The following MCM9 variants were observed in gnomAD, a reference collection of about 807,000 sequenced individuals.
MCM9 encodes DNA helicase MCM9.
MCM9 carries 55 observed loss-of-function variants against 72.8 expected under a neutral mutation model. That is an observed-to-expected ratio of 0.76 (90% CI 0.61 to 0.95). The LOEUF is 0.95. Ranked by LOEUF, MCM9 falls within the 40% of genes least tolerant of loss-of-function variation. The pLI, the probability that MCM9 is intolerant of heterozygous loss-of-function variation, is 0.00. For synonymous variants in MCM9, 480 were observed against 503.4 expected (o/e 0.95, Z 0.62); for missense variants, 1,279 against 1,377.0 (o/e 0.93, Z 1.13).
At chr6:118,900,759 A>T in intron 8 of MCM9, 2 of 1,590,062 alleles carry the variant, frequency 1.3e-6, no homozygotes, top group Non-Finnish European at 1.7e-6. Flanking sequence ...TGGTTTTTTA[A>T]CCCTAGACTT....
At chr6:118,824,339 GTCTT>G (rs978939521) in intron 13 of MCM9, among the ~76,000 whole-genome samples, 1 of 137,730 alleles carries the variant, frequency 7.3e-6, no homozygotes, top group Non-Finnish European at 1.5e-5. Context: ...TATTATTTTA[GTCTT>G]TCTTTTTTTT....
intron 9 of MCM9, among the ~76,000 whole-genome samples, chr6:118,846,376 G>A (rs996806284): frequency 1.3e-5 from 2 of 151,852 alleles, no homozygotes; most frequent in African/African-American, 4.9e-5. Context: ...AAAGATCAGT[G>A]GAGACTAAGT....
intron 8 of MCM9, among the ~76,000 whole-genome samples, chr6:118,880,813 T>C (rs1411399389): frequency 3.3e-5 from 5 of 152,224 alleles, no homozygotes; most frequent in African/African-American, 4.8e-5. Flanking sequence ...AGAGGATTCC[T>C]GTGTTCAACA....
At chr6:118,895,699 T>C (rs1303243943) in intron 8 of MCM9, among the ~76,000 whole-genome samples, 2 of 152,238 alleles carry the variant, frequency 1.3e-5, no homozygotes, top group East Asian at 3.8e-4. Flanking sequence ...AATTATCTTT[T>C]ACTAAAGTAA....
Position 118,816,250 on chromosome 6 carries a change from TCCA to T in MCM9, c.2003_2005del (p.Leu668_Glu669delinsTer). ...CAAGGATCCTGGAGTAGTCTCTACC[TCCA>T]ATACCCGTGGTTGGGATTGGTGCAC... On this transcript the variant is annotated stop_gained and inframe_deletion, in exon 14 of 14. Transcript: ENST00000619706. LOFTEE classifies it low-confidence loss of function (END_TRUNC). 6.5e-7 allele frequency: 1 copy of T among 1,549,538 alleles called. No homozygotes were observed.
chr6:118,852,653 C>T (rs1395141478), intron 9 of MCM9, among the ~76,000 whole-genome samples: 1 of 152,186 alleles, frequency 6.6e-6, no homozygotes, highest in Non-Finnish European at 1.5e-5. Flanking sequence ...TGTTTGGAAA[C>T]TTCAATAGCA....
intron 9 of MCM9, among the ~76,000 whole-genome samples, chr6:118,844,740 G>A (rs868649671): frequency 6.6e-6 from 1 of 151,732 alleles, no homozygotes; most frequent in Non-Finnish European, 1.5e-5. Context: ...GAAACCCGCT[G>A]AACTCAAGAC....
At chr6:118,877,318 T>C (rs1207961821) in intron 8 of MCM9, among the ~76,000 whole-genome samples, 1 of 152,186 alleles carries the variant, frequency 6.6e-6, no homozygotes, top group Non-Finnish European at 1.5e-5. Flanking sequence ...AAGTGGTCTC[T>C]TACTCAGTAC....
intron 8 of MCM9, among the ~76,000 whole-genome samples, chr6:118,864,192 T>A (rs1777077090): frequency 6.6e-6 from 1 of 152,062 alleles, no homozygotes; most frequent in Non-Finnish European, 1.5e-5. Flanking sequence ...CAATAAGCAG[T>A]CTTTTGTCCC....
intron 8 of MCM9, among the ~76,000 whole-genome samples, chr6:118,904,323 C>T (rs1487533668): frequency 6.6e-6 from 1 of 152,166 alleles, no homozygotes; most frequent in African/African-American, 2.4e-5. Flanking sequence ...CTTTTTGTAT[C>T]ATCTACCTGT....
At position 118,840,742 on chromosome 6, in the gene MCM9, C is replaced by T. The variant is rs868849098; in HGVS notation, c.1326-11492G>A. ...ACATATATTCTCTCCTCCCCCCCCCCTTTTTTTTTTTTTGAGACAGGGTCT... is the reference window on the plus strand; with the variant it reads ...ACATATATTCTCTCCTCCCCCCCCCTTTTTTTTTTTTTTGAGACAGGGTCT... On this transcript the variant is annotated intron_variant, in intron 9 of 13. Coordinates refer to ENST00000619706, the MANE Select transcript of MCM9 (RefSeq NM_017696.3). Among the ~76,000 whole-genome samples the T allele has an allele frequency of 7.6e-4, 59 of 77,760 alleles. 1 individual carries two copies. The highest frequency in any genetic ancestry group is 0.012 in the Middle Eastern group (2 of 168). The allele number at this position is 77,760 out of a possible 152,430, so 51.0% of individuals were successfully genotyped here.
intron 9 of MCM9, among the ~76,000 whole-genome samples, chr6:118,841,111 T>C (rs1775335576): frequency 6.6e-6 from 1 of 152,192 alleles, no homozygotes; most frequent in Admixed American, 6.5e-5. Flanking sequence ...TACACTGGTA[T>C]AATGAACAGT....
intron 3 of MCM9, among the ~76,000 whole-genome samples, chr6:118,928,172 A>G (rs975670178): frequency 6.6e-6 from 1 of 152,122 alleles, no homozygotes; most frequent in African/African-American, 2.4e-5. Context: ...AGAACTGGGG[A>G]GGCTGAGGTG....
intron 8 of MCM9, chr6:118,905,777 T>C (rs753588407): frequency 1.9e-6 from 3 of 1,612,580 alleles, no homozygotes; most frequent in Non-Finnish European, 2.5e-6. Context: ...ATAATGAATA[T>C]ACTGAGACAG....
chr6:118,914,747 T>C (rs1380205594), intron 6 of MCM9, among the ~76,000 whole-genome samples: 1 of 152,184 alleles, frequency 6.6e-6, no homozygotes, highest in Non-Finnish European at 1.5e-5. Flanking sequence ...ATCTGGGAAT[T>C]ACATAAGCCA....
At chr6:118,903,120 CAG>C (rs147487888) in intron 8 of MCM9, among the ~76,000 whole-genome samples, 7,898 of 152,196 alleles carry the variant, frequency 0.052, 324 homozygotes, top group African/African-American at 0.11. Context: ...GATTTTAAAA[CAG>C]AAACATGCCT....
chr6:118,888,565 C>T (rs1461340502), intron 8 of MCM9, among the ~76,000 whole-genome samples: 2 of 152,146 alleles, frequency 1.3e-5, no homozygotes, highest in Non-Finnish European at 2.9e-5. Context: ...AGCAATTCCA[C>T]TCCTAAGCAT....
intron 9 of MCM9, among the ~76,000 whole-genome samples, chr6:118,855,737 C>A (rs1382398318): frequency 6.6e-6 from 1 of 152,136 alleles, no homozygotes; most frequent in Admixed American, 6.6e-5. Context: ...AATGACCTGG[C>A]AGCCTGTTTG....
intron 4 of MCM9, among the ~76,000 whole-genome samples, chr6:118,922,733 G>A (rs2114367961): frequency 6.6e-6 from 1 of 152,276 alleles, no homozygotes; most frequent in East Asian, 1.9e-4. Flanking sequence ...GAGAAGCCAT[G>A]TATTAAGAAT....
Sources: gnomAD v4.1 joint callset for allele counts (sites outside exome capture counted in the v4.1 genomes callset) on GRCh38, gnomAD v4.1.1 for gene constraint, MANE v1.5 for transcripts, NCBI Gene and HGNC (gene_info 2026-07-23, HGNC 2026-07-21) for gene names.